OSTF1: variants seen among roughly 807,000 people sequenced by gnomAD.
The protein encoded by OSTF1 is osteoclast-stimulating factor 1.
Under a neutral mutation model 37.2 loss-of-function variants are expected in OSTF1, and 27 were observed. The ratio of observed to expected loss-of-function variants is 0.73; its 90% CI spans 0.54 to 1.00. OSTF1 has a LOEUF of 1.00. Among genes scored for constraint, OSTF1 ranks in the 50% least tolerant of loss-of-function variants. The pLI, the probability that OSTF1 is intolerant of heterozygous loss-of-function variation, is 0.00. For missense variants in OSTF1, 232 were observed against 253.8 expected, an observed-to-expected ratio of 0.91 and a Z score of 0.58; for synonymous variants, 82 against 89.2, an observed-to-expected ratio of 0.92 and a Z score of 0.46.
chr9:75,118,019 C>G (rs1312264194), intron 2 of OSTF1, among the ~76,000 whole-genome samples: 1 of 152,124 alleles, frequency 6.6e-6, no homozygotes, highest in African/African-American at 2.4e-5. Flanking sequence ...TTATTAAGCG[C>G]CTATTATATG....
At chr9:75,115,352 C>T (rs748651167) in intron 1 of OSTF1, among the ~76,000 whole-genome samples, 7 of 151,968 alleles carry the variant, frequency 4.6e-5, no homozygotes, top group African/African-American at 1.5e-4. Flanking sequence ...AGTGTAGTGG[C>T]GTGATCTCAG....
At chr9:75,094,047 A>G (rs762580364) in intron 1 of OSTF1, among the ~76,000 whole-genome samples, 4 of 152,204 alleles carry the variant, frequency 2.6e-5, no homozygotes, top group Non-Finnish European at 5.9e-5. Context: ...TAAACTATCT[A>G]AGATCTCAAA....
At chr9:75,107,931 T>C (rs1825317984) in intron 1 of OSTF1, among the ~76,000 whole-genome samples, 2 of 152,154 alleles carry the variant, frequency 1.3e-5, no homozygotes, top group African/African-American at 4.8e-5. Flanking sequence ...ATGGATTTAC[T>C]GTTACCTTAA....
intron 1 of OSTF1, among the ~76,000 whole-genome samples, chr9:75,109,845 C>G (rs548691626): frequency 6.6e-6 from 1 of 152,304 alleles, no homozygotes; most frequent in Non-Finnish European, 1.5e-5. Flanking sequence ...CTAGCAGTAT[C>G]TGGGAATTCT....
chr9:75,089,578 A>G (rs1443635821), intron 1 of OSTF1, among the ~76,000 whole-genome samples: 4 of 152,334 alleles, frequency 2.6e-5, no homozygotes, highest in South Asian at 4.1e-4. Context: ...TTGGGTAGGT[A>G]ATTAGAAAGG....
intron 1 of OSTF1, among the ~76,000 whole-genome samples, chr9:75,111,127 C>T (rs375913013): frequency 3.4e-4 from 52 of 152,174 alleles, no homozygotes; most frequent in African/African-American, 1.3e-3. Context: ...TTTGTAAGCC[C>T]CAGGCCCGCC....
intron 1 of OSTF1, among the ~76,000 whole-genome samples, chr9:75,090,655 G>A (rs999045219): frequency 3.3e-5 from 5 of 151,740 alleles, no homozygotes; most frequent in Non-Finnish European, 1.5e-5. Flanking sequence ...GAAACTTTGT[G>A]TGGGCTAGCT....
At position 75,088,535 on chromosome 9, in the gene OSTF1, T is replaced by TGCGTCCGCTCTTCCC; in HGVS notation, c.-155_-141dup. ...GAGCACTCGGCGGAGCCGCTCTGCC[T>TGCGTCCGCTCTTCCC]GCGTCCGCTCTTCCCGCAGCCAAGG... On this transcript the variant is annotated 5_prime_UTR_variant, in exon 1 of 10. Transcript: ENST00000346234. 1 of 771,522 alleles carries TGCGTCCGCTCTTCCC rather than the reference T, an allele frequency of 1.3e-6. No individual in the cohort carries two copies. Among genetic ancestry groups the TGCGTCCGCTCTTCCC allele is most frequent in the Non-Finnish European group, 2.1e-6 (1 of 467,386 alleles). 47.8% of individuals were successfully genotyped at this position (771,522 alleles called of 1,614,324 possible). A position where few individuals can be genotyped will look rare whatever the true frequency, so the allele number is the denominator to read the frequency against.
At chr9:75,092,497 T>C (rs1237976173) in intron 1 of OSTF1, among the ~76,000 whole-genome samples, 1 of 152,212 alleles carries the variant, frequency 6.6e-6, no homozygotes, top group Non-Finnish European at 1.5e-5. Flanking sequence ...TTACCTAGAG[T>C]ATCCCATATT....
intron 1 of OSTF1, among the ~76,000 whole-genome samples, chr9:75,089,753 CG>C (rs1246380780): frequency 1.3e-5 from 2 of 152,184 alleles, no homozygotes; most frequent in Non-Finnish European, 2.9e-5. Flanking sequence ...AATCCATTTA[CG>C]TCAAATTTTG....
At chr9:75,138,791 G>T (rs1246884581) in intron 8 of OSTF1, among the ~76,000 whole-genome samples, 3 of 151,982 alleles carry the variant, frequency 2.0e-5, no homozygotes, top group Non-Finnish European at 4.4e-5. Context: ...TGTTCTGATA[G>T]AAATCATGTC....
Position 75,110,796 on chromosome 9 carries a change from G to A in OSTF1, c.35-6708G>A, listed in dbSNP as rs181336782. Among the ~76,000 whole-genome samples, 22 of 151,334 alleles carry A rather than the reference G, an allele frequency of 1.5e-4. 1 individual carries two copies. The East Asian group carries it at 1.6e-3, about 11-fold the overall frequency. On this transcript the variant is annotated intron_variant, in intron 1 of 9. Transcript: ENST00000346234. ...TGCAGTCATGGCTCACTGCAGCCTTGACCTCCTGGGTTCAAGTAGTCCTCC... is the reference window on the plus strand; with the variant it reads ...TGCAGTCATGGCTCACTGCAGCCTTAACCTCCTGGGTTCAAGTAGTCCTCC...
chr9:75,131,816 A>C lies in OSTF1; in HGVS notation c.243A>C (p.Ala81=), dbSNP rs1374993123. The change falls in exon 5 of 10, where the codon GCA becomes GCC. Residue 81 remains alanine (A), a synonymous_variant. Transcript: ENST00000346234. ...ESIDNPLHEA[A]KRGNLSWLRE... is the part of the protein sequence containing the mutation. ...TTGACAATCCATTGCATGAAGCAGC[A>C]AAAAGAGGTAGGTGTGATTCTTTTT... The C allele has an allele frequency of 1.2e-6, 2 of 1,612,226 alleles. No individual in the cohort carries two copies. The highest frequency in any genetic ancestry group is 1.7e-6 in the Non-Finnish European group (2 of 1,178,452).
chr9:75,136,854 G>C (rs1206344163), intron 7 of OSTF1, among the ~76,000 whole-genome samples: 1 of 152,130 alleles, frequency 6.6e-6, no homozygotes, highest in Non-Finnish European at 1.5e-5. Context: ...CCTGCACATG[G>C]GGCTGCACTG....
At chr9:75,096,887 T>C (rs977138514) in intron 1 of OSTF1, among the ~76,000 whole-genome samples, 1 of 152,280 alleles carries the variant, frequency 6.6e-6, no homozygotes, top group Non-Finnish European at 1.5e-5. Context: ...TCCTTCCTTA[T>C]TTGAAAACCA....
intron 6 of OSTF1, 126 bp from the exon 7 acceptor site, chr9:75,134,220 C>T (rs1257579334): frequency 1.6e-5 from 8 of 503,594 alleles, no homozygotes; most frequent in African/African-American, 1.2e-4. Context: ...ATAAATTTTA[C>T]AAAATGTGTT....
intron 1 of OSTF1, among the ~76,000 whole-genome samples, chr9:75,109,903 A>T (rs1372236885): frequency 1.3e-5 from 2 of 152,326 alleles, no homozygotes; most frequent in Non-Finnish European, 2.9e-5. Context: ...TTAAATTAAT[A>T]GACTATTTTT....
chr9:75,138,541 A>G (rs900951468), intron 8 of OSTF1, among the ~76,000 whole-genome samples: 10 of 152,358 alleles, frequency 6.6e-5, no homozygotes, highest in African/African-American at 2.4e-4. Context: ...ACTTAGTGAA[A>G]CAAAAAGTAA....
chr9:75,098,988 G>A (rs913650430), intron 1 of OSTF1, among the ~76,000 whole-genome samples: 5 of 152,314 alleles, frequency 3.3e-5, no homozygotes, highest in African/African-American at 1.2e-4. Flanking sequence ...CCAAGCTGGA[G>A]TGCAATGGCA....
Sources: allele counts gnomAD v4.1 joint callset (sites outside exome capture counted in the v4.1 genomes callset), GRCh38; gene constraint gnomAD v4.1.1; transcripts MANE v1.5; gene names NCBI Gene and HGNC (gene_info 2026-07-23, HGNC 2026-07-21).